MYRIP: variants seen among roughly 807,000 people sequenced by gnomAD.
The protein encoded by MYRIP is myosin VIIA and Rab interacting protein, also known as rab effector MyRIP.
In MYRIP, 49 loss-of-function variants were observed where a neutral mutation model predicts 98.0. The ratio of observed to expected loss-of-function variants is 0.50; its 90% CI spans 0.40 to 0.63. MYRIP has a LOEUF of 0.63. MYRIP is among the 30% of genes least tolerant of loss of function. The pLI, the probability that MYRIP is intolerant of heterozygous loss-of-function variation, is 0.00. For missense variants in MYRIP, 1,004 were observed against 1,058.2 expected (o/e 0.95, Z 0.71); for synonymous variants, 404 against 409.5 (o/e 0.99, Z 0.16).
intron 3 of MYRIP, among the ~76,000 whole-genome samples, chr3:40,137,071 T>TA (rs1355602750): frequency 1.3e-5 from 2 of 152,116 alleles, no homozygotes; most frequent in African/African-American, 2.4e-5. Flanking sequence ...CAAAAAACCC[T>TA]TCAAAAAATC....
chr3:39,822,458 T>C (rs746415283), intron 1 of MYRIP, among the ~76,000 whole-genome samples: 2 of 151,722 alleles, frequency 1.3e-5, no homozygotes, highest in Non-Finnish European at 2.9e-5. Flanking sequence ...TTATGAGATT[T>C]TTTTTTGCGA....
In MYRIP at chr3:39,900,800, A is replaced by G. The variant is rs542000067; in HGVS notation, c.-17A>G. 18 of 1,598,098 alleles carry G rather than the reference A, an allele frequency of 1.1e-5. No homozygotes were observed. The highest frequency in any genetic ancestry group is 1.5e-5 in the Non-Finnish European group (18 of 1,168,456). ...TTGGTTTCCCAGGTCTTGTTTCATC[A>G]TCTGTGTTGAGTAACCATGGGGAGG... On this transcript the variant is annotated 5_prime_UTR_variant, in exon 2 of 17. Transcript: ENST00000302541.
intron 1 of MYRIP, among the ~76,000 whole-genome samples, chr3:39,880,926 T>A (rs1011244816): frequency 2.6e-5 from 4 of 152,168 alleles, no homozygotes; most frequent in Admixed American, 2.0e-4. Context: ...AATAATTTAT[T>A]CTTCTCAATC....
chr3:39,831,303 C>A (rs1941437838), intron 1 of MYRIP, among the ~76,000 whole-genome samples: 1 of 152,130 alleles, frequency 6.6e-6, no homozygotes. Flanking sequence ...CTGGACCTCT[C>A]TCCTGAACTC....
chr3:40,016,712 G>T (rs1202774853), intron 2 of MYRIP, among the ~76,000 whole-genome samples: 1 of 152,196 alleles, frequency 6.6e-6, no homozygotes, highest in Non-Finnish European at 1.5e-5. Context: ...TAAGTCAGAG[G>T]TCATTGTCAC....
intron 10 of MYRIP, among the ~76,000 whole-genome samples, chr3:40,200,528 G>A (rs572317141): frequency 1.5e-4 from 23 of 152,288 alleles, no homozygotes; most frequent in Middle Eastern, 3.4e-3. Flanking sequence ...ATTATCCACT[G>A]AAAATGATCA....
intron 10 of MYRIP, among the ~76,000 whole-genome samples, chr3:40,194,160 A>AT (rs1424069797): frequency 8.6e-5 from 13 of 151,524 alleles, no homozygotes; most frequent in South Asian, 6.2e-4. Flanking sequence ...AGGGTTAAGG[A>AT]TTTTTTTTCC....
chr3:39,896,467 A>C (rs1943613688), intron 1 of MYRIP, among the ~76,000 whole-genome samples: 1 of 152,198 alleles, frequency 6.6e-6, no homozygotes, highest in Non-Finnish European at 1.5e-5. Context: ...GTGAAAGCAC[A>C]TCTCTCATTA....
intron 16 of MYRIP, among the ~76,000 whole-genome samples, chr3:40,255,839 T>C (rs1953570856): frequency 6.6e-6 from 1 of 152,258 alleles, no homozygotes; most frequent in African/African-American, 2.4e-5. Flanking sequence ...TATCTAACTA[T>C]GCTTTATAGA....
chr3:40,256,680 AT>A (rs1055682938), intron 16 of MYRIP, among the ~76,000 whole-genome samples: 17 of 152,310 alleles, frequency 1.1e-4, no homozygotes, highest in African/African-American at 4.1e-4. Flanking sequence ...AATCAGAAAA[AT>A]AGCAAAAACT....
intron 4 of MYRIP, among the ~76,000 whole-genome samples, chr3:40,151,427 A>G (rs1950117640): frequency 6.6e-6 from 1 of 152,264 alleles, no homozygotes; most frequent in African/African-American, 2.4e-5. Context: ...AAGACCAAGT[A>G]CTTCTACAAA....
chr3:40,180,617 C>T (rs1306339381), intron 8 of MYRIP, among the ~76,000 whole-genome samples: 1 of 152,200 alleles, frequency 6.6e-6, no homozygotes, highest in Non-Finnish European at 1.5e-5. Flanking sequence ...AAGGAGAGCT[C>T]ATCACCTCTG....
intron 1 of MYRIP, among the ~76,000 whole-genome samples, chr3:39,845,520 T>C (rs1007148606): frequency 6.6e-6 from 1 of 152,194 alleles, no homozygotes; most frequent in East Asian, 1.9e-4. Flanking sequence ...TTCAAAGTCA[T>C]ATACTGAGCA....
At chr3:39,874,066 G>T (rs1942897020) in intron 1 of MYRIP, among the ~76,000 whole-genome samples, 1 of 151,016 alleles carries the variant, frequency 6.6e-6, no homozygotes, top group South Asian at 2.1e-4. Context: ...TCCCTTGTAA[G>T]TTGGATTCCT....
At chr3:40,131,825 C>T (rs2125918807) in intron 3 of MYRIP, among the ~76,000 whole-genome samples, 1 of 151,572 alleles carries the variant, frequency 6.6e-6, no homozygotes, top group Admixed American at 6.6e-5. Context: ...GACAAATTTC[C>T]CCCTCCCTCA....
intron 3 of MYRIP, among the ~76,000 whole-genome samples, chr3:40,098,680 C>G (rs1226512031): frequency 1.3e-5 from 2 of 151,304 alleles, no homozygotes; most frequent in African/African-American, 2.4e-5. Context: ...CTCAATTTTT[C>G]TGATCAAATA....
At chr3:40,101,867 G>T (rs571843656) in intron 3 of MYRIP, among the ~76,000 whole-genome samples, 5 of 152,274 alleles carry the variant, frequency 3.3e-5, no homozygotes, top group South Asian at 4.1e-4. Flanking sequence ...CCCAGGACTG[G>T]CAGTTTACCT....
chr3:39,826,193 C>A (rs1941261047), intron 1 of MYRIP, among the ~76,000 whole-genome samples: 1 of 149,932 alleles, frequency 6.7e-6, no homozygotes, highest in African/African-American at 2.4e-5. Flanking sequence ...ATTATTTTTT[C>A]TTTCTACTAA....
chr3:40,237,051 T>C (rs1952845186), intron 12 of MYRIP, among the ~76,000 whole-genome samples: 1 of 152,106 alleles, frequency 6.6e-6, no homozygotes, highest in Non-Finnish European at 1.5e-5. Context: ...GTGTGGTGGC[T>C]CACACCTGTA....
Sources: gnomAD v4.1 joint callset for allele counts (sites outside exome capture counted in the v4.1 genomes callset) on GRCh38, gnomAD v4.1.1 for gene constraint, MANE v1.5 for transcripts, NCBI Gene and HGNC (gene_info 2026-07-23, HGNC 2026-07-21) for gene names.